The following ELMO1 variants were observed in gnomAD, a reference collection of about 807,000 sequenced individuals.
The protein encoded by ELMO1 is engulfment and cell motility 1, also known as engulfment and cell motility protein 1.
In ELMO1, 26 loss-of-function variants were observed where a neutral mutation model predicts 98.9. That is an observed-to-expected ratio of 0.26 (90% CI 0.19 to 0.36). The LOEUF is 0.36. Ranked by LOEUF, ELMO1 falls within the 10% of genes least tolerant of loss-of-function variation. The pLI, the probability that ELMO1 is intolerant of heterozygous loss-of-function variation, is 1.00. For missense variants in ELMO1, 627 were observed against 935.2 expected, an observed-to-expected ratio of 0.67 and a Z score of 4.30; for synonymous variants, 346 against 346.0, an observed-to-expected ratio of 1.00 and a Z score of 0.00.
intron 14 of ELMO1, among the ~76,000 whole-genome samples, chr7:37,112,089 A>AG (rs1432357050): frequency 1.3e-5 from 2 of 152,112 alleles, no homozygotes; most frequent in Non-Finnish European, 1.5e-5. Context: ...AGGACTTCAG[A>AG]GGGGGAAAAA....
intron 15 of ELMO1, among the ~76,000 whole-genome samples, chr7:37,066,608 T>C (rs1449847809): frequency 6.6e-6 from 1 of 152,024 alleles, no homozygotes; most frequent in Non-Finnish European, 1.5e-5. Context: ...TAATAATATA[T>C]AGTTACAAAA....
intron 16 of ELMO1, among the ~76,000 whole-genome samples, chr7:36,954,223 C>G (rs891880859): frequency 6.6e-6 from 1 of 152,108 alleles, no homozygotes; most frequent in African/African-American, 2.4e-5. Context: ...CCCAGGTGCA[C>G]CTTCCTCATT....
intron 16 of ELMO1, chr7:36,985,222 C>A (rs74584173): frequency 1.6e-6 from 1 of 623,572 alleles, no homozygotes; most frequent in East Asian, 1.4e-4. Context: ...ACTTTGCAAA[C>A]CCTCTCTGGT....
rs546585780 is a variant in ELMO1 at position 37,025,153 on chromosome 7, T to C, written c.1301-11718A>G. ...ATTTACCCTTCATCCGTTGGCAAAA[T>C]AATCATTTACTGGAGCTGCTTTTAG... On this transcript the variant is annotated intron_variant, in intron 15 of 21. Coordinates refer to ENST00000310758, the MANE Select transcript of ELMO1 (RefSeq NM_014800.11). Among the ~76,000 whole-genome samples the C allele has an allele frequency of 6.6e-5, 10 of 152,292 alleles. No individual in the cohort carries two copies. The South Asian group carries it at 2.1e-3, about 32-fold the overall frequency.
At chr7:37,149,372 T>C (rs191235861) in intron 13 of ELMO1, among the ~76,000 whole-genome samples, 259 of 152,324 alleles carry the variant, frequency 1.7e-3, no homozygotes, top group African/African-American at 4.7e-3. Flanking sequence ...TAGCAGTCAC[T>C]AGTGCCAAGT....
chr7:37,157,691 G>C (rs1287417967), intron 13 of ELMO1, among the ~76,000 whole-genome samples: 1 of 152,114 alleles, frequency 6.6e-6, no homozygotes, highest in East Asian at 1.9e-4. Context: ...CATGCTCATG[G>C]ATAGGAAGAA....
At chr7:36,966,275 C>T (rs1305281501) in intron 16 of ELMO1, among the ~76,000 whole-genome samples, 1 of 152,144 alleles carries the variant, frequency 6.6e-6, no homozygotes. Flanking sequence ...TAACTGTATA[C>T]CTTGGCCGTA....
At chr7:36,958,792 T>C (rs1039855205) in intron 16 of ELMO1, among the ~76,000 whole-genome samples, 4 of 151,988 alleles carry the variant, frequency 2.6e-5, no homozygotes, top group African/African-American at 7.3e-5. Context: ...CTTGACTAGA[T>C]TGGAATGCCT....
At chr7:37,156,646 C>A (rs1447854104) in intron 13 of ELMO1, among the ~76,000 whole-genome samples, 1 of 152,170 alleles carries the variant, frequency 6.6e-6, no homozygotes, top group Non-Finnish European at 1.5e-5. Flanking sequence ...CTGAATAGAA[C>A]AATAACAGGT....
At chr7:37,161,905 AATATATAT>A (rs6150082) in intron 13 of ELMO1, among the ~76,000 whole-genome samples, 959 of 42,446 alleles carry the variant, frequency 0.023, 143 homozygotes, top group South Asian at 0.051. Flanking sequence ...CAGGTAATCA[AATATATAT>A]ATATATATAT....
chr7:37,000,616 CAT>C (rs1562887866), intron 16 of ELMO1, among the ~76,000 whole-genome samples: 3 of 152,180 alleles, frequency 2.0e-5, no homozygotes, highest in African/African-American at 7.2e-5. Flanking sequence ...TGTGTTCACA[CAT>C]GTGATTCAAC....
intron 8 of ELMO1, among the ~76,000 whole-genome samples, chr7:37,231,881 C>G (rs1051246236): frequency 6.6e-6 from 1 of 152,044 alleles, no homozygotes; most frequent in Non-Finnish European, 1.5e-5. Flanking sequence ...GAGACAGGGT[C>G]TCACTCCGTC....
intron 15 of ELMO1, among the ~76,000 whole-genome samples, chr7:37,076,839 C>T (rs548439974): frequency 6.6e-5 from 10 of 152,342 alleles, no homozygotes; most frequent in Admixed American, 5.9e-4. Flanking sequence ...CCAATGCTGC[C>T]TCCATCAGGA....
intron 1 of ELMO1, among the ~76,000 whole-genome samples, chr7:37,448,392 G>A (rs1805745469): frequency 6.7e-6 from 1 of 149,998 alleles, no homozygotes; most frequent in Admixed American, 6.6e-5. Flanking sequence ...CGCACCTCCA[G>A]CGCCCCCTCC....
At chr7:37,229,373 A>G (rs1255688965) in intron 8 of ELMO1, among the ~76,000 whole-genome samples, 1 of 152,206 alleles carries the variant, frequency 6.6e-6, no homozygotes, top group Non-Finnish European at 1.5e-5. Context: ...ATTGGTATCA[A>G]GGAATTCCAA....
At chr7:37,106,023 G>A (rs1269066415) in intron 14 of ELMO1, among the ~76,000 whole-genome samples, 4 of 152,126 alleles carry the variant, frequency 2.6e-5, no homozygotes, top group African/African-American at 4.8e-5. Flanking sequence ...TAATTTTATG[G>A]TATATGCACT....
At chr7:36,889,253 T>C (rs1330462070) in intron 17 of ELMO1, among the ~76,000 whole-genome samples, 1 of 152,236 alleles carries the variant, frequency 6.6e-6, no homozygotes, top group Non-Finnish European at 1.5e-5. Flanking sequence ...AATTCAGTCC[T>C]AATAATAGTT....
chr7:37,004,917 T>C (rs1792939773), intron 16 of ELMO1, among the ~76,000 whole-genome samples: 1 of 151,846 alleles, frequency 6.6e-6, no homozygotes, highest in Non-Finnish European at 1.5e-5. Context: ...GAGACCATTC[T>C]GGCCAACAAG....
chr7:36,884,272 A>T (rs6967486), intron 18 of ELMO1, among the ~76,000 whole-genome samples: 11,196 of 151,082 alleles, frequency 0.074, 503 homozygotes, highest in South Asian at 0.17. Context: ...AGCCGAGATC[A>T]TGCCATTGCA....
Sources: gnomAD v4.1 joint callset for allele counts (sites outside exome capture counted in the v4.1 genomes callset) on GRCh38, gnomAD v4.1.1 for gene constraint, MANE v1.5 for transcripts, NCBI Gene and HGNC (gene_info 2026-07-23, HGNC 2026-07-21) for gene names.